The following SUPT20H variants were observed in gnomAD, a reference collection of about 807,000 sequenced individuals.
SUPT20H encodes the protein transcription factor SPT20 homolog.
In SUPT20H, 82 loss-of-function variants were observed where a neutral mutation model predicts 122.8. That is an observed-to-expected ratio of 0.67 (90% CI 0.56 to 0.80). The LOEUF is 0.80. Ranked by LOEUF, SUPT20H falls within the 30% of genes least tolerant of loss-of-function variation. The pLI is 0.00. For synonymous variants in SUPT20H, 291 were observed against 313.0 expected (o/e 0.93, Z 0.74); for missense variants, 831 against 921.6 (o/e 0.90, Z 1.27).
chr13:37,012,127 G>A, intron 24 of SUPT20H, 65 bp downstream of exon 24: 1 of 1,280,002 alleles, frequency 7.8e-7, no homozygotes, highest in Non-Finnish European at 1.1e-6. Context: ...AATTTAAGCG[G>A]TGAGATCCCA....
rs371594641 is a variant in SUPT20H, at chr13:37,023,395, A to C, written c.1591+640T>G. ...TTTCAGATATTTACTAATTTGAAGAAATTCTCCCAAACTAATGCTAGCATT... is the reference window on the plus strand; with the variant it reads ...TTTCAGATATTTACTAATTTGAAGACATTCTCCCAAACTAATGCTAGCATT... On this transcript the variant is annotated intron_variant, in intron 19 of 25. Transcript: ENST00000350612. Among the ~76,000 whole-genome samples, 22 of 152,300 alleles carry C rather than the reference A, an allele frequency of 1.4e-4. No individual in the cohort carries two copies. In the East Asian group the frequency reaches 4.1e-3, roughly 28 times the overall value.
chr13:37,029,943 T>C, intron 12 of SUPT20H, 107 bp from the exon 13 acceptor site: 1 of 779,784 alleles, frequency 1.3e-6, no homozygotes, highest in Non-Finnish European at 1.9e-6. Flanking sequence ...GACAATACAA[T>C]ATACTTGTTA....
chr13:37,009,755 C>CTGTT lies in SUPT20H; in HGVS notation c.2253_2256dup (p.Ala753AsnfsTer17), dbSNP rs769476262. The CTGTT allele has an allele frequency of 1.9e-6, 3 of 1,613,800 alleles. No homozygotes were observed. Among genetic ancestry groups the CTGTT allele is most frequent in the Non-Finnish European group, 1.7e-6 (2 of 1,179,972 alleles). Reference sequence around the variant, plus strand: ...GTATGCCGATGATGATGTAGCTGAGCTGTTTGTGCTGCTGCTGCTGCCATA... The same window carrying CTGTT: ...GTATGCCGATGATGATGTAGCTGAGCTGTTTGTTTGTGCTGCTGCTGCTGCCATA... On this transcript the variant is annotated frameshift_variant, in exon 26 of 26. Transcript: ENST00000350612. LOFTEE classifies it high-confidence loss of function.
Position 37,023,947 on chromosome 13 carries a change from C to T in SUPT20H, c.1591+88G>A, listed in dbSNP as rs1463267833. 2.9e-6 allele frequency: 4 copies of T among 1,400,044 alleles called. No individual in the cohort carries two copies. In the East Asian group the frequency reaches 9.5e-5, roughly 33 times the overall value. 86.7% of individuals were successfully genotyped at this position (1,400,044 alleles called of 1,614,324 possible). Reference sequence around the variant, plus strand: ...GGGTACACAGTACATTCAGATATCACTACTTCACAGGTTGAAAAAAGCTGT... The same window carrying T: ...GGGTACACAGTACATTCAGATATCATTACTTCACAGGTTGAAAAAAGCTGT... On this transcript the variant is annotated intron_variant, in intron 19 of 25. Transcript: ENST00000350612.
rs1216062103 is a variant in SUPT20H at position 37,015,753 on chromosome 13, C to G, written c.1992+1492G>C. On this transcript the variant is annotated intron_variant, in intron 23 of 25. Transcript: ENST00000350612. ...CTCACACTCACACTAGCATTATTTA[C>G]AATAGCCGAAAGGTGGAAGATACCC... Among the ~76,000 whole-genome samples, 4 of 152,086 alleles carry G rather than the reference C, an allele frequency of 2.6e-5. No homozygotes were observed. The East Asian group carries it at 7.7e-4, about 29-fold the overall frequency.
chr13:37,057,524 TA>T (rs35735192), intron 1 of SUPT20H, among the ~76,000 whole-genome samples: 88,659 of 108,346 alleles, frequency 0.82, 36,554 homozygotes, highest in East Asian at 0.89. Flanking sequence ...GCCAAGCCAT[TA>T]AAAAAAAAAA....
intron 23 of SUPT20H, chr13:37,012,540 G>A (rs531634413): frequency 1.3e-4 from 37 of 278,886 alleles, no homozygotes; most frequent in Non-Finnish European, 2.2e-4. Context: ...CCTAGATAAC[G>A]CCTAAGGCTT....
At chr13:37,047,703 A>T (rs1248572700) in intron 4 of SUPT20H, 102 bp from the exon 5 acceptor site, 1 of 1,240,104 alleles carries the variant, frequency 8.1e-7, no homozygotes, top group South Asian at 1.9e-5. Context: ...TTTTTGCCTC[A>T]ATTTCCCAAA....
Position 37,031,725 on chromosome 13 carries a change from A to G in SUPT20H, c.864+14T>C, listed in dbSNP as rs1566224383. ...TTGGGCATAATAAGCTTCATTTAAA[A>G]TATATATACTTACATTTCCTGCCTT... On this transcript the variant is annotated intron_variant, in intron 11 of 25. Coordinates refer to ENST00000350612, the MANE Select transcript of SUPT20H (RefSeq NM_001014286.3). 6.4e-7 allele frequency: 1 copy of G among 1,570,888 alleles called. No individual in the cohort carries two copies. Among genetic ancestry groups the G allele is most frequent in the African/African-American group, 1.4e-5 (1 of 72,658 alleles).
rs569194090 is a variant in SUPT20H, at chr13:37,059,593, G to T, written c.-128C>A. 8 of 152,434 alleles carry T rather than the reference G, an allele frequency of 5.2e-5. No homozygotes were observed. Among genetic ancestry groups the T allele is most frequent in the African/African-American group, 1.9e-4 (8 of 41,596 alleles). 9.4% of individuals were successfully genotyped at this position (152,434 alleles called of 1,614,324 possible). A position where few individuals can be genotyped will look rare whatever the true frequency, so the allele number is the denominator to read the frequency against. ...TCGCCTCGCCGCTAGGCCCCAAGAC[G>T]GCGCCGCCTGCTCGGCAGCAAAGCC... On this transcript the variant is annotated 5_prime_UTR_variant, in exon 1 of 26. Coordinates refer to ENST00000350612, the MANE Select transcript of SUPT20H (RefSeq NM_001014286.3).
At chr13:37,057,112 A>T (rs576438126) in intron 1 of SUPT20H, 1 of 152,276 alleles carries the variant, frequency 6.6e-6, no homozygotes, top group Admixed American at 6.5e-5. Context: ...CAGCCTGGGC[A>T]ACATAGTGAG....
intron 23 of SUPT20H, among the ~76,000 whole-genome samples, chr13:37,014,104 G>T (rs1387781590): frequency 6.6e-6 from 1 of 151,664 alleles, no homozygotes; most frequent in Non-Finnish European, 1.5e-5. Flanking sequence ...AAAACTAAAA[G>T]GATGAAAAAA....
At chr13:37,040,360 A>T (rs1354610070) in intron 9 of SUPT20H, 45 bp downstream of exon 9, 2 of 1,489,278 alleles carry the variant, frequency 1.3e-6, no homozygotes, top group Admixed American at 2.4e-5. Flanking sequence ...ATTTTTTTTC[A>T]TCCTATATTT....
chr13:37,018,131 A>T (rs557457731), intron 22 of SUPT20H, among the ~76,000 whole-genome samples: 17 of 152,288 alleles, frequency 1.1e-4, no homozygotes, highest in Middle Eastern at 3.4e-3. Flanking sequence ...TAATAAAAAA[A>T]AAATAAAAAA....
chr13:37,017,733 T>C (rs1374595251), intron 22 of SUPT20H, among the ~76,000 whole-genome samples: 2 of 152,212 alleles, frequency 1.3e-5, no homozygotes, highest in African/African-American at 4.8e-5. Flanking sequence ...CAGAAATGTA[T>C]ACTACGAAAA....
In SUPT20H at chr13:37,017,230, C is replaced by G; in HGVS notation, c.1992+15G>C. Reference sequence around the variant, plus strand: ...ATTCGATGTAAAAGCATATGGAAGGCTAGAAAATCCATACCTGCTCCCCTG... The same window carrying G: ...ATTCGATGTAAAAGCATATGGAAGGGTAGAAAATCCATACCTGCTCCCCTG... On this transcript the variant is annotated intron_variant, in intron 23 of 25. Coordinates refer to ENST00000350612, the MANE Select transcript of SUPT20H (RefSeq NM_001014286.3). 1 of 1,613,904 alleles carries G rather than the reference C, an allele frequency of 6.2e-7. No individual in the cohort carries two copies. Among genetic ancestry groups the G allele is most frequent in the Non-Finnish European group, 8.5e-7 (1 of 1,179,902 alleles).
Position 37,015,168 on chromosome 13 carries a change from AAAT to A in SUPT20H, c.1992+2074_1992+2076del, listed in dbSNP as rs1298660921. 3.8e-3 allele frequency among the ~76,000 whole-genome samples: 583 copies of A among 151,986 alleles called. 3 individuals carry two copies. Among genetic ancestry groups the A allele is most frequent in the African/African-American group, 0.013 (550 of 41,470 alleles). On this transcript the variant is annotated intron_variant, in intron 23 of 25. Transcript: ENST00000350612. The stretch of plus-strand genomic sequence containing the variant: ...TAAAAAGAGAAAATGAACTACATTA[AAAT>A]AAAAAAAAAAAAAACTTCTGTGCAA...
In SUPT20H at chr13:37,040,448, CAAATT is replaced by C; in HGVS notation, c.519_523del (p.Ile174Ter). ...ATCACTTGTTATTGAATGTACATCA[CAAATT>C]AAAGTCTAGAAGAAATAAAAATTTA... On this transcript the variant is annotated frameshift_variant, in exon 9 of 26. Coordinates refer to ENST00000350612, the MANE Select transcript of SUPT20H (RefSeq NM_001014286.3). LOFTEE classifies it high-confidence loss of function. The C allele has an allele frequency of 6.3e-7, 1 of 1,580,704 alleles. No individual in the cohort carries two copies. The highest frequency in any genetic ancestry group is 8.5e-7 in the Non-Finnish European group (1 of 1,170,240).
chr13:37,045,231 C>T lies in SUPT20H; in HGVS notation c.292+16G>A, dbSNP rs761369814. The T allele has an allele frequency of 6.2e-7, 1 of 1,612,032 alleles. No individual in the cohort carries two copies. Among genetic ancestry groups the T allele is most frequent in the Admixed American group, 1.7e-5 (1 of 59,754 alleles). On this transcript the variant is annotated intron_variant, in intron 6 of 25. Transcript: ENST00000350612. The stretch of plus-strand genomic sequence containing the variant: ...GCAAAAGTATTTTGTGGCAGCTGTG[C>T]TCTAGAGGGTCTTACCTGATCCGTT...
Sources: allele counts gnomAD v4.1 joint callset (sites outside exome capture counted in the v4.1 genomes callset), GRCh38; gene constraint gnomAD v4.1.1; transcripts MANE v1.5; gene names NCBI Gene and HGNC (gene_info 2026-07-23, HGNC 2026-07-21).